LHPP: variants seen among roughly 807,000 people sequenced by gnomAD.
The protein encoded by LHPP is phospholysine phosphohistidine inorganic pyrophosphate phosphatase.
A neutral mutation model predicts 30.3 loss-of-function variants in LHPP; 24 were observed. The ratio of observed to expected loss-of-function variants is 0.79; its 90% CI spans 0.57 to 1.11. The LOEUF (loss-of-function observed/expected upper bound fraction) is 1.11, where lower values mean the gene tolerates loss of function less well. Ranked by LOEUF, LHPP falls within the 50% of genes most tolerant of loss-of-function variation. The pLI, the probability that LHPP is intolerant of heterozygous loss-of-function variation, is 0.00. For synonymous variants in LHPP, 150 were observed against 157.1 expected (o/e 0.95, Z 0.34); for missense variants, 356 against 367.2 (o/e 0.97, Z 0.25).
chr10:124,528,155 C>G (rs957355847), intron 6 of LHPP, among the ~76,000 whole-genome samples: 1 of 152,164 alleles, frequency 6.6e-6, no homozygotes, highest in Non-Finnish European at 1.5e-5. Context: ...AGCTCGGCCC[C>G]TAGAGTGAGG....
At chr10:124,488,997 C>T (rs1403000591) in intron 3 of LHPP, among the ~76,000 whole-genome samples, 1 of 152,136 alleles carries the variant, frequency 6.6e-6, no homozygotes, top group Non-Finnish European at 1.5e-5. Context: ...TGAGGGCCTA[C>T]CCAGTCTGGG....
At chr10:124,462,731 T>G (rs558502196) in intron 1 of LHPP, among the ~76,000 whole-genome samples, 1 of 152,394 alleles carries the variant, frequency 6.6e-6, no homozygotes, top group East Asian at 1.9e-4. Context: ...GGAGTCTTGC[T>G]CTGTCGCCCA....
chr10:124,601,579 T>G (rs1949021794), intron 6 of LHPP, among the ~76,000 whole-genome samples: 2 of 152,188 alleles, frequency 1.3e-5, no homozygotes, highest in African/African-American at 4.8e-5. Context: ...CCCACCTCTG[T>G]TCTCAGCCCC....
intron 5 of LHPP, among the ~76,000 whole-genome samples, chr10:124,506,156 C>T (rs774382326): frequency 3.9e-5 from 6 of 151,904 alleles, no homozygotes; most frequent in African/African-American, 9.7e-5. Context: ...AGCTGACGCA[C>T]GAGATTCGCT....
rs1034790072 is a variant in LHPP, at chr10:124,546,617, A to G, written c.716+29346A>G. On this transcript the variant is annotated intron_variant, in intron 6 of 6. Coordinates refer to ENST00000368842, the MANE Select transcript of LHPP (RefSeq NM_022126.4). Reference sequence around the variant, plus strand: ...AGTAGAGATGGGGTTTCACCATGTTAGCCAGGATGGTCTTGATCTCCTGAC... The same window carrying G: ...AGTAGAGATGGGGTTTCACCATGTTGGCCAGGATGGTCTTGATCTCCTGAC... 2.2e-4 allele frequency among the ~76,000 whole-genome samples: 33 copies of G among 151,928 alleles called. No homozygotes were observed. The East Asian group carries it at 3.1e-3, about 14-fold the overall frequency.
intron 5 of LHPP, among the ~76,000 whole-genome samples, chr10:124,508,811 A>G (rs146394211): frequency 2.6e-5 from 4 of 152,270 alleles, no homozygotes; most frequent in African/African-American, 7.2e-5. Context: ...CAAAATTGGG[A>G]TAATCTTGTA....
intron 1 of LHPP, among the ~76,000 whole-genome samples, chr10:124,467,756 C>G (rs1399167061): frequency 6.6e-6 from 1 of 151,846 alleles, no homozygotes; most frequent in Non-Finnish European, 1.5e-5. Context: ...CACTCTGTCT[C>G]CCAGGCTGGA....
chr10:124,580,825 T>C (rs1564840485), intron 6 of LHPP, among the ~76,000 whole-genome samples: 1 of 151,950 alleles, frequency 6.6e-6, no homozygotes, highest in Non-Finnish European at 1.5e-5. Flanking sequence ...TTTAAGCACT[T>C]CTCCTGCCTC....
chr10:124,613,349 G>A lies in LHPP; in HGVS notation c.802G>A (p.Ala268Thr), dbSNP rs369550052. ...GGCAGTGGACCTGCTGCTGCAGCAC[G>A]CCGACAAGTGATGGCCTCCTGGGAG... The part of the protein sequence containing the change: ...AEAVDLLLQH[A>T]DK Residue 268 changes from alanine to threonine, a missense_variant, in exon 7 of 7, where the codon GCC (alanine) becomes ACC (threonine). Transcript: ENST00000368842. 6.8e-6 allele frequency: 11 copies of A among 1,611,608 alleles called. No homozygotes were observed. The East Asian group carries it at 8.9e-5, about 13-fold the overall frequency.
intron 6 of LHPP, among the ~76,000 whole-genome samples, chr10:124,587,761 A>AT: frequency 6.7e-6 from 1 of 149,912 alleles, no homozygotes; most frequent in Non-Finnish European, 1.5e-5. Flanking sequence ...AAAAAAAAAA[A>AT]AAAACCAAAA....
chr10:124,516,321 A>G (rs11816831), intron 5 of LHPP, among the ~76,000 whole-genome samples: 10,513 of 152,250 alleles, frequency 0.069, 1,157 homozygotes, highest in African/African-American at 0.23. Context: ...TAAGGACAGC[A>G]GTCCCATCAG....
chr10:124,486,380 G>A (rs1953326621), intron 2 of LHPP, among the ~76,000 whole-genome samples: 1 of 152,106 alleles, frequency 6.6e-6, no homozygotes, highest in South Asian at 2.1e-4. Context: ...ATTGTGCTGG[G>A]GCCTCCAGTG....
Position 124,517,228 on chromosome 10 carries a change from C to T in LHPP, c.673C>T (p.Arg225Trp), listed in dbSNP as rs201727503. The change falls in exon 6 of 7, where the codon CGG becomes TGG. Residue 225 changes from arginine (R) to tryptophan (W), a missense_variant. Physicochemically the swap from Arg to Trp is moderately radical, Grantham distance 101. Coordinates refer to ENST00000368842, the MANE Select transcript of LHPP (RefSeq NM_022126.4). The surrounding 1 kb of genome is among the most constrained non-coding windows in gnomAD (Gnocchi z 4.1). ...CGTGGGCGACGTCGGCGGTGCCCAG[C>T]GGTGTGGAATGAGAGCGCTGCAGGT... is the stretch of plus-strand genomic sequence containing the variant. ...DIVGDVGGAQ[R>W]CGMRALQVRT... is the part of the protein sequence containing the mutation. 70 of 1,605,508 alleles carry T rather than the reference C, an allele frequency of 4.4e-5. No individual in the cohort carries two copies. In the African/African-American group the frequency reaches 5.9e-4, roughly 14 times the overall value.
chr10:124,550,550 G>A (rs1948142542), intron 6 of LHPP, among the ~76,000 whole-genome samples: 1 of 152,238 alleles, frequency 6.6e-6, no homozygotes, highest in African/African-American at 2.4e-5. Context: ...CTGCAGTGGC[G>A]TGGGAGGCGG....
chr10:124,526,639 C>T (rs57103223), intron 6 of LHPP, among the ~76,000 whole-genome samples: 2,967 of 152,248 alleles, frequency 0.019, 85 homozygotes, highest in African/African-American at 0.066. Flanking sequence ...CACACACACA[C>T]GACCTGCTGC....
In LHPP at chr10:124,547,782, A is replaced by G. The variant is rs933045838; in HGVS notation, c.716+30511A>G. Among the ~76,000 whole-genome samples, 3 of 152,244 alleles carry G rather than the reference A, an allele frequency of 2.0e-5. No homozygotes were observed. In the East Asian group the frequency reaches 5.8e-4, roughly 29 times the overall value. On this transcript the variant is annotated intron_variant, in intron 6 of 6. Coordinates refer to ENST00000368842, the MANE Select transcript of LHPP (RefSeq NM_022126.4). ...CTGGGCCCTGGCAGGATGTCGTTCC[A>G]GTGATACAGCACTTCCTTGCTTCTA... is the stretch of plus-strand genomic sequence containing the variant.
At chr10:124,602,777 A>C (rs1949040093) in intron 6 of LHPP, among the ~76,000 whole-genome samples, 1 of 152,164 alleles carries the variant, frequency 6.6e-6, no homozygotes, top group South Asian at 2.1e-4. Context: ...GCCCCACCCC[A>C]GCTCTTCACA....
At chr10:124,589,655 G>A (rs915554058) in intron 6 of LHPP, among the ~76,000 whole-genome samples, 4 of 152,156 alleles carry the variant, frequency 2.6e-5, no homozygotes, top group African/African-American at 7.2e-5. Context: ...ATCTGAGATC[G>A]GCCTCCTTCA....
intron 5 of LHPP, among the ~76,000 whole-genome samples, chr10:124,511,589 C>T (rs796969654): frequency 5.9e-5 from 9 of 152,248 alleles, no homozygotes; most frequent in African/African-American, 2.2e-4. Flanking sequence ...CACCATCCGC[C>T]GTGGCTTCTC....
Sources: gnomAD v4.1 joint callset for allele counts (sites outside exome capture counted in the v4.1 genomes callset) on GRCh38, gnomAD v4.1.1 for gene constraint, Gnocchi (gnomAD v3.1) non-coding constraint, MANE v1.5 for transcripts, NCBI Gene and HGNC (gene_info 2026-07-23, HGNC 2026-07-21) for gene names.